The following COMMD1 variants were observed in gnomAD, a reference collection of about 807,000 sequenced individuals.
COMMD1 encodes the protein COMM domain-containing protein 1.
Under a neutral mutation model 17.2 loss-of-function variants are expected in COMMD1, and 10 were observed. The observed-to-expected ratio is 0.58, with a 90% CI of 0.36 to 0.99. COMMD1 has a LOEUF of 0.99. Ranked by LOEUF, COMMD1 falls within the 50% of genes least tolerant of loss-of-function variation. The pLI, the probability that COMMD1 is intolerant of heterozygous loss-of-function variation, is 0.01. For missense variants in COMMD1, 270 were observed against 231.8 expected, an observed-to-expected ratio of 1.17 and a Z score of -1.07; for synonymous variants, 97 against 91.6, an observed-to-expected ratio of 1.06 and a Z score of -0.34.
In COMMD1 at chr2:62,000,883, C is replaced by T; in HGVS notation, c.363C>T (p.Gly121=). The T allele has an allele frequency of 1.2e-6, 2 of 1,614,110 alleles. No homozygotes were observed. The highest frequency in any genetic ancestry group is 3.3e-5 in the Admixed American group (2 of 60,000). ...GCCGCTGGAATAGCGGGCTTCGGGG[C>T]CTGAGCTGGAGAGTTGATGGCAAGT... is the stretch of plus-strand genomic sequence containing the variant. ...NQSRWNSGLR[G]LSWRVDGKSQ... The change falls in exon 2 of 3, where the codon GGC becomes GGT. Residue 121 remains glycine, a synonymous_variant. Transcript: ENST00000311832.
intron 2 of COMMD1, among the ~76,000 whole-genome samples, chr2:62,121,486 C>T (rs1423601926): frequency 2.0e-5 from 3 of 150,696 alleles, no homozygotes; most frequent in African/African-American, 7.3e-5. Context: ...TACCTGTAAT[C>T]CCAACACTTT....
chr2:61,971,755 G>A (rs896291571), intron 1 of COMMD1, among the ~76,000 whole-genome samples: 7 of 152,010 alleles, frequency 4.6e-5, no homozygotes, highest in Non-Finnish European at 7.4e-5. Flanking sequence ...TAAGAATCAA[G>A]GTTTTTCAAA....
intron 2 of COMMD1, chr2:62,100,160 G>A (rs937346046): frequency 4.6e-5 from 7 of 152,008 alleles, no homozygotes; most frequent in Non-Finnish European, 8.8e-5. Flanking sequence ...CAACCAAAAT[G>A]GGAGGTCCAG....
intron 2 of COMMD1, among the ~76,000 whole-genome samples, chr2:62,129,257 G>A (rs1672962798): frequency 6.6e-6 from 1 of 152,110 alleles, no homozygotes; most frequent in Non-Finnish European, 1.5e-5. Flanking sequence ...AATATCAGAA[G>A]AATTAATATA....
chr2:62,030,876 G>C (rs541000279), intron 2 of COMMD1, among the ~76,000 whole-genome samples: 34 of 152,222 alleles, frequency 2.2e-4, no homozygotes, highest in African/African-American at 7.5e-4. Context: ...CTAGGTGACT[G>C]TGTAACCTCT....
At chr2:61,926,934 T>C (rs1274296376) in intron 1 of COMMD1, among the ~76,000 whole-genome samples, 1 of 152,176 alleles carries the variant, frequency 6.6e-6, no homozygotes, top group Admixed American at 6.6e-5. Flanking sequence ...AAACCTCTAA[T>C]CTATTGAGAC....
intron 2 of COMMD1, among the ~76,000 whole-genome samples, chr2:62,039,247 T>C (rs561243506): frequency 6.6e-6 from 1 of 152,216 alleles, no homozygotes; most frequent in South Asian, 2.1e-4. Flanking sequence ...CTTCACATTT[T>C]TTAAGGAAAC....
At chr2:61,959,651 A>G (rs1375296438) in intron 1 of COMMD1, among the ~76,000 whole-genome samples, 3 of 152,220 alleles carry the variant, frequency 2.0e-5, no homozygotes, top group Non-Finnish European at 4.4e-5. Context: ...TGGCTGTGAC[A>G]TATTACCCAT....
chr2:61,893,511 G>A (rs1456404426), intron 1 of COMMD1, among the ~76,000 whole-genome samples: 2 of 150,052 alleles, frequency 1.3e-5, no homozygotes, highest in East Asian at 1.9e-4. Context: ...TTTCATTATT[G>A]TAGTACTAAC....
intron 1 of COMMD1, among the ~76,000 whole-genome samples, chr2:61,964,245 G>C (rs1225551494): frequency 1.3e-5 from 2 of 151,976 alleles, no homozygotes; most frequent in Non-Finnish European, 2.9e-5. Flanking sequence ...TTTTGAGACA[G>C]GGTCTTGCTC....
chr2:62,040,189 G>A (rs1670150592), intron 2 of COMMD1, among the ~76,000 whole-genome samples: 1 of 152,152 alleles, frequency 6.6e-6, no homozygotes, highest in Non-Finnish European at 1.5e-5. Context: ...GGGAGTTGAG[G>A]CTGTAGTTGG....
intron 1 of COMMD1, among the ~76,000 whole-genome samples, chr2:61,919,833 AG>A (rs768414156): frequency 6.6e-6 from 1 of 152,114 alleles, no homozygotes; most frequent in Non-Finnish European, 1.5e-5. Context: ...AGTTCTTTAA[AG>A]GTCTAGTACA....
chr2:62,091,027 T>C (rs1331362691), intron 2 of COMMD1, among the ~76,000 whole-genome samples: 2 of 152,228 alleles, frequency 1.3e-5, no homozygotes, highest in Non-Finnish European at 2.9e-5. Flanking sequence ...CCATATGTTT[T>C]CCACAGGTGT....
chr2:62,122,654 C>T (rs1234836368), intron 2 of COMMD1, among the ~76,000 whole-genome samples: 1 of 152,226 alleles, frequency 6.6e-6, no homozygotes, highest in East Asian at 1.9e-4. Flanking sequence ...CTGTTTTCTT[C>T]CTTTCAGAAA....
intron 2 of COMMD1, among the ~76,000 whole-genome samples, chr2:62,023,436 G>A (rs1669667694): frequency 6.6e-6 from 1 of 151,278 alleles, no homozygotes. Flanking sequence ...TTAGCCTAAA[G>A]AAACAACCCA....
chr2:62,083,639 T>G (rs1341814788), intron 2 of COMMD1, among the ~76,000 whole-genome samples: 2 of 152,244 alleles, frequency 1.3e-5, no homozygotes, highest in African/African-American at 4.8e-5. Context: ...TTCCTCTGTT[T>G]CCTGTAAGAT....
At chr2:61,959,954 T>C (rs894952930) in intron 1 of COMMD1, among the ~76,000 whole-genome samples, 1 of 152,216 alleles carries the variant, frequency 6.6e-6, no homozygotes, top group Admixed American at 6.5e-5. Context: ...GTTTAAAACT[T>C]TTTTAATTGG....
exon 1 of COMMD1, chr2:61,888,732 C>T (rs1481716845): frequency 1.3e-5 from 7 of 546,090 alleles, no homozygotes; most frequent in Non-Finnish European, 1.3e-5. Flanking sequence ...AGGATGCGTG[C>T]GGTGGGCTCC....
chr2:62,129,665 C>T (rs554516137), intron 2 of COMMD1, among the ~76,000 whole-genome samples: 18 of 152,274 alleles, frequency 1.2e-4, no homozygotes, highest in African/African-American at 3.4e-4. Context: ...TTTAATTGCC[C>T]TTCAAGGAGC....
Sources: gnomAD v4.1 joint callset for allele counts (sites outside exome capture counted in the v4.1 genomes callset) on GRCh38, gnomAD v4.1.1 for gene constraint, MANE v1.5 for transcripts, NCBI Gene and HGNC (gene_info 2026-07-23, HGNC 2026-07-21) for gene names.